Variants in BICD1 observed in about 807,000 individuals in gnomAD.
BICD1 encodes protein bicaudal D homolog 1.
Under a neutral mutation model 92.5 loss-of-function variants are expected in BICD1, and 35 were observed. That is an observed-to-expected ratio of 0.38 (90% confidence interval 0.29 to 0.50). The LOEUF is 0.50. Among genes scored for constraint, BICD1 ranks in the 20% least tolerant of loss-of-function variants. The pLI, the probability that BICD1 is intolerant of heterozygous loss-of-function variation, is 0.93. For synonymous variants in BICD1, 429 were observed against 465.1 expected (o/e 0.92, Z 1.00); for missense variants, 950 against 1,189.8 (o/e 0.80, Z 2.97).
chr12:32,139,551 A>G (rs1942834705), intron 1 of BICD1, among the ~76,000 whole-genome samples: 1 of 152,174 alleles, frequency 6.6e-6, no homozygotes, highest in South Asian at 2.1e-4. Flanking sequence ...TACGGTGGGC[A>G]CAAAGGGTTT....
intron 1 of BICD1, among the ~76,000 whole-genome samples, chr12:32,123,238 G>A (rs1348179518): frequency 6.6e-6 from 1 of 152,130 alleles, no homozygotes; most frequent in East Asian, 1.9e-4. Context: ...GGCTGGAGGG[G>A]ACTGAGTTAG....
intron 1 of BICD1, among the ~76,000 whole-genome samples, chr12:32,168,006 G>A (rs564610496): frequency 8.7e-5 from 8 of 92,336 alleles, no homozygotes; most frequent in East Asian, 3.8e-4. Flanking sequence ...AAAGGAGATG[G>A]CGTGTGTGTG....
intron 3 of BICD1, among the ~76,000 whole-genome samples, chr12:32,298,759 A>G (rs1390826309): frequency 6.6e-6 from 1 of 150,862 alleles, no homozygotes; most frequent in Non-Finnish European, 1.5e-5. Flanking sequence ...AATCCCAGCT[A>G]CTAGGGAGGC....
chr12:32,217,754 A>G (rs74072020), intron 2 of BICD1, among the ~76,000 whole-genome samples: 20,884 of 152,160 alleles, frequency 0.14, 2,067 homozygotes, highest in African/African-American at 0.28. Flanking sequence ...GTGTCACTCT[A>G]TTGCCCAATC....
intron 1 of BICD1, among the ~76,000 whole-genome samples, chr12:32,191,679 ATT>A (rs1446507876): frequency 7.0e-6 from 1 of 143,706 alleles, no homozygotes; most frequent in Admixed American, 7.1e-5. Flanking sequence ...TATAATATAT[ATT>A]ATATATAATA....
Position 32,306,030 on chromosome 12 carries a change from T to C in BICD1, c.913T>C (p.Leu305=), listed in dbSNP as rs774463819. ...KLNGDYRTPT[L]RKGESLNPVS... Reference sequence around the variant, plus strand: ...GAATGGAGACTATCGGACTCCCACCTTAAGGAAAGGAGAGTCTCTGAACCC... The same window carrying C: ...GAATGGAGACTATCGGACTCCCACCCTAAGGAAAGGAGAGTCTCTGAACCC... The change falls in exon 4 of 10, where the codon TTA becomes CTA. Residue 305 remains leucine (L), a synonymous_variant. Coordinates refer to ENST00000652176, the MANE Select transcript of BICD1 (RefSeq NM_001714.4). 6.2e-7 allele frequency: 1 copy of C among 1,614,152 alleles called. No homozygotes were observed. Among genetic ancestry groups the C allele is most frequent in the East Asian group, 2.2e-5 (1 of 44,880 alleles).
intron 4 of BICD1, among the ~76,000 whole-genome samples, chr12:32,311,799 G>A (rs916702667): frequency 6.6e-6 from 1 of 152,244 alleles, no homozygotes; most frequent in African/African-American, 2.4e-5. Context: ...TCCTGGATCT[G>A]GAAAGGAAGG....
rs1940202468 is a variant in BICD1 at position 32,382,148 on chromosome 12, T to C, written c.*4521T>C. The C allele has an allele frequency of 6.6e-6, 1 of 152,146 alleles. No individual in the cohort carries two copies. Among genetic ancestry groups the C allele is most frequent in the Admixed American group, 6.5e-5 (1 of 15,270 alleles). 9.4% of individuals were successfully genotyped at this position (152,146 alleles called of 1,614,324 possible). A position where few individuals can be genotyped will look rare whatever the true frequency, so the allele number is the denominator to read the frequency against. On this transcript the variant is annotated 3_prime_UTR_variant, in exon 10 of 10. Coordinates refer to ENST00000652176, the MANE Select transcript of BICD1 (RefSeq NM_001714.4). ...TATTTATATGCGAACTTAACTGCCA[T>C]AGTCCCTAATGTATTGCGTTTGTAA...
chr12:32,348,123 T>G (rs942571382), intron 8 of BICD1, among the ~76,000 whole-genome samples: 2 of 152,232 alleles, frequency 1.3e-5, no homozygotes, highest in African/African-American at 4.8e-5. Flanking sequence ...TTTTTGTTTT[T>G]GTTTACTGTT....
At chr12:32,135,222 G>A (rs1439657152) in intron 1 of BICD1, among the ~76,000 whole-genome samples, 1 of 151,648 alleles carries the variant, frequency 6.6e-6, no homozygotes, top group Non-Finnish European at 1.5e-5. Context: ...CTGAGTAGCT[G>A]GGATTACAGG....
chr12:32,138,851 A>G (rs969410803), intron 1 of BICD1, among the ~76,000 whole-genome samples: 8 of 152,220 alleles, frequency 5.3e-5, no homozygotes, highest in African/African-American at 1.9e-4. Flanking sequence ...GTATGTGTTT[A>G]GATAGATATA....
intron 3 of BICD1, among the ~76,000 whole-genome samples, chr12:32,296,374 C>T (rs1432584190): frequency 6.6e-6 from 1 of 151,064 alleles, no homozygotes; most frequent in Non-Finnish European, 1.5e-5. Context: ...TCTCCTGCCT[C>T]AGCCTCCCGA....
intron 1 of BICD1, among the ~76,000 whole-genome samples, chr12:32,174,827 G>T (rs1428865086): frequency 6.6e-6 from 1 of 152,048 alleles, no homozygotes; most frequent in Non-Finnish European, 1.5e-5. Context: ...AAATCATTCA[G>T]ATCTGAAACC....
In BICD1 at chr12:32,351,935, A is replaced by G. The variant is rs7959394; in HGVS notation, c.2764+12956A>G. ...AAAAAAAAAAAAGTTGGCCAGGCACAGTGGCTCACACCTGTAATCCCAGCA... is the reference window on the plus strand; with the variant it reads ...AAAAAAAAAAAAGTTGGCCAGGCACGGTGGCTCACACCTGTAATCCCAGCA... On this transcript the variant is annotated intron_variant, in intron 8 of 9. Transcript: ENST00000652176. 7.5e-3 allele frequency among the ~76,000 whole-genome samples: 1,087 copies of G among 144,900 alleles called. 15 individuals carry two copies. Among genetic ancestry groups the G allele is most frequent in the African/African-American group, 0.026 (1,032 of 39,032 alleles).
intron 2 of BICD1, among the ~76,000 whole-genome samples, chr12:32,277,173 C>A (rs1407827935): frequency 1.3e-5 from 2 of 152,156 alleles, no homozygotes; most frequent in Non-Finnish European, 2.9e-5. Context: ...GGAGGTGGAT[C>A]ACTTGAGGCC....
chr12:32,327,999 T>C lies in BICD1; in HGVS notation c.1544T>C (p.Leu515Ser), dbSNP rs752075587. Residue 515 changes from leucine to serine, a missense_variant, in exon 5 of 10, where the codon TTA (leucine) becomes TCA (serine). Transcript: ENST00000652176. The part of the protein sequence containing the change: ...QDELVTFSEE[L>S]AQLYHHVCLC... ...GAGTTAGTGACATTCAGTGAGGAGT[T>C]AGCTCAGCTTTACCACCATGTGTGT... 1 of 1,614,042 alleles carries C rather than the reference T, an allele frequency of 6.2e-7. No homozygotes were observed. Among genetic ancestry groups the C allele is most frequent in the Non-Finnish European group, 8.5e-7 (1 of 1,179,950 alleles).
rs1443836967 is a variant in BICD1, at chr12:32,305,947, G to A, written c.830G>A (p.Ser277Asn). 1 of 1,614,100 alleles carries A rather than the reference G, an allele frequency of 6.2e-7. No homozygotes were observed. Among genetic ancestry groups the A allele is most frequent in the African/African-American group, 1.3e-5 (1 of 74,918 alleles). ...GGACTCAAATTTGCCGAGGATGGGA[G>A]TGAACCAAACAATGATGACAAAATG... The part of the protein sequence containing the change: ...VDGLKFAEDG[S>N]EPNNDDKMNG... Residue 277 changes from serine (S) to asparagine (N), a missense_variant, in exon 4 of 10, where the codon AGT becomes AAT. By Grantham distance (46) the Ser-to-Asn change is conservative (BLOSUM62 1). Around this residue, in one of 5 missense-constraint regions of BICD1, gnomAD observed 246 missense variants for 258.4 expected, o/e 0.95. Transcript: ENST00000652176.
intron 4 of BICD1, among the ~76,000 whole-genome samples, chr12:32,323,792 C>G (rs1302359106): frequency 6.6e-6 from 1 of 152,052 alleles, no homozygotes; most frequent in African/African-American, 2.4e-5. Context: ...AAAAAATGGT[C>G]ATGCAAACTG....
At position 32,337,094 on chromosome 12, in the gene BICD1, A is replaced by G. The variant is rs1193596005; in HGVS notation, c.2253-405A>G. Among the ~76,000 whole-genome samples the G allele has an allele frequency of 6.6e-6, 1 of 152,130 alleles. No homozygotes were observed. The highest frequency in any genetic ancestry group is 2.4e-5 in the African/African-American group (1 of 41,408). On this transcript the variant is annotated intron_variant, in intron 6 of 9. Coordinates refer to ENST00000652176, the MANE Select transcript of BICD1 (RefSeq NM_001714.4). This position sits in a 1 kb window ranked among gnomAD's most constrained non-coding sequence, Gnocchi z 4.7. ...CCCCGTCTCTACTAAAAAAAATACA[A>G]AAATTAGCTTGGCATGGTGGCACAC...
Sources: gnomAD v4.1 joint callset for allele counts (sites outside exome capture counted in the v4.1 genomes callset) on GRCh38, gnomAD v4.1.1 for gene constraint, gnomAD v4.1.1 regional missense constraint, Gnocchi (gnomAD v3.1) non-coding constraint, MANE v1.5 for transcripts, NCBI Gene and HGNC (gene_info 2026-07-23, HGNC 2026-07-21) for gene names.